Variants in GABRG3 observed in about 807,000 individuals in gnomAD.
The protein encoded by GABRG3 is gamma-aminobutyric acid type A receptor subunit gamma3.
A neutral mutation model predicts 48.8 loss-of-function variants in GABRG3; 25 were observed. The observed-to-expected ratio is 0.51, with a 90% CI of 0.37 to 0.72. The LOEUF is 0.72. GABRG3 is among the 30% of genes least tolerant of loss of function. GABRG3 has a pLI of 0.00. For synonymous variants in GABRG3, 227 were observed against 217.6 expected, an observed-to-expected ratio of 1.04 and a Z score of -0.38; for missense variants, 394 against 577.9, an observed-to-expected ratio of 0.68 and a Z score of 3.26.
intron 3 of GABRG3, among the ~76,000 whole-genome samples, chr15:27,121,798 G>GT (rs1459424926): frequency 1.3e-5 from 2 of 152,114 alleles, no homozygotes; most frequent in African/African-American, 2.4e-5. Context: ...GTGAGATTCT[G>GT]TTTTTTTGCA....
At chr15:27,360,655 C>T (rs28584979) in intron 5 of GABRG3, among the ~76,000 whole-genome samples, 28,955 of 152,130 alleles carry the variant, frequency 0.19, 3,037 homozygotes, top group Middle Eastern at 0.3. Flanking sequence ...TTGGGTTGGA[C>T]ACTCCCCTTC....
At chr15:27,067,349 C>T (rs1896755419) in intron 3 of GABRG3, among the ~76,000 whole-genome samples, 1 of 152,206 alleles carries the variant, frequency 6.6e-6, no homozygotes, top group Non-Finnish European at 1.5e-5. Context: ...GCCTCACTCC[C>T]CATCCACCCG....
At chr15:27,211,878 A>G (rs933318344) in intron 3 of GABRG3, among the ~76,000 whole-genome samples, 4 of 152,212 alleles carry the variant, frequency 2.6e-5, no homozygotes, top group Admixed American at 2.6e-4. Flanking sequence ...AACCACATCT[A>G]ACTTATTTCT....
chr15:27,082,778 G>A (rs1897012727), intron 3 of GABRG3, among the ~76,000 whole-genome samples: 1 of 152,224 alleles, frequency 6.6e-6, no homozygotes, highest in Non-Finnish European at 1.5e-5. Context: ...GAAAGCCGCA[G>A]TAGACCCTGG....
At chr15:27,095,950 T>G (rs989011660) in intron 3 of GABRG3, among the ~76,000 whole-genome samples, 1 of 152,114 alleles carries the variant, frequency 6.6e-6, no homozygotes, top group Admixed American at 6.5e-5. Flanking sequence ...CCACAACAAC[T>G]CTTCCATTTC....
intron 3 of GABRG3, among the ~76,000 whole-genome samples, chr15:27,318,916 G>C (rs1047947334): frequency 1.3e-5 from 2 of 152,186 alleles, no homozygotes; most frequent in South Asian, 4.1e-4. Flanking sequence ...GGAGATGTTG[G>C]TCAGTGGTCC....
chr15:27,359,037 A>G (rs967683000), intron 5 of GABRG3, among the ~76,000 whole-genome samples: 3 of 152,214 alleles, frequency 2.0e-5, no homozygotes, highest in Non-Finnish European at 4.4e-5. Flanking sequence ...GGCTGCCTGC[A>G]CTGCAGGCTC....
intron 7 of GABRG3, among the ~76,000 whole-genome samples, chr15:27,524,801 A>G (rs1002337033): frequency 6.6e-6 from 1 of 152,186 alleles, no homozygotes. Context: ...AAAACAATAT[A>G]TTATAAAGGA....
intron 5 of GABRG3, among the ~76,000 whole-genome samples, chr15:27,386,941 C>CAAA (rs923986435): frequency 2.0e-5 from 3 of 152,304 alleles, no homozygotes; most frequent in Admixed American, 6.5e-5. Context: ...TATCTGGCTT[C>CAAA]TTTTGACAAT....
intron 3 of GABRG3, among the ~76,000 whole-genome samples, chr15:27,274,736 A>G (rs922979362): frequency 6.6e-6 from 1 of 152,062 alleles, no homozygotes; most frequent in African/African-American, 2.4e-5. Flanking sequence ...CATCCTTCCT[A>G]CTTATATAAC....
At chr15:27,286,341 C>T (rs1484123961) in intron 3 of GABRG3, among the ~76,000 whole-genome samples, 3 of 152,178 alleles carry the variant, frequency 2.0e-5, no homozygotes, top group Non-Finnish European at 4.4e-5. Context: ...GGAATCTGGG[C>T]CATTTTCTTT....
intron 3 of GABRG3, among the ~76,000 whole-genome samples, chr15:27,075,944 C>T (rs970269978): frequency 3.9e-5 from 6 of 152,096 alleles, no homozygotes; most frequent in South Asian, 4.2e-4. Context: ...TTCCACAGTG[C>T]GAGTCACGGA....
At chr15:27,450,559 C>T (rs535267581) in intron 5 of GABRG3, among the ~76,000 whole-genome samples, 1 of 152,068 alleles carries the variant, frequency 6.6e-6, no homozygotes, top group South Asian at 2.1e-4. Context: ...AAAAAATGTA[C>T]CTCAAAATAA....
chr15:27,150,479 A>G (rs1471238488), intron 3 of GABRG3, among the ~76,000 whole-genome samples: 1 of 152,188 alleles, frequency 6.6e-6, no homozygotes, highest in African/African-American at 2.4e-5. Flanking sequence ...AGATGTTTCC[A>G]TGAAAAAAAT....
chr15:27,397,803 T>A (rs56003923), intron 5 of GABRG3, among the ~76,000 whole-genome samples: 7,309 of 41,778 alleles, frequency 0.17, 457 homozygotes, highest in African/African-American at 0.38. Flanking sequence ...CTCTGAAAAA[T>A]TTTTTTTTTT....
In GABRG3 at chr15:27,188,731, A is replaced by G. The variant is rs537160479; in HGVS notation, c.271-138078A>G. Among the ~76,000 whole-genome samples the G allele has an allele frequency of 4.2e-3, 632 of 152,254 alleles. 3 individuals carry two copies. The highest frequency in any genetic ancestry group is 0.014 in the African/African-American group (590 of 41,542). ...TGCTGTGCAGAAGCTCTTTAGTTTC[A>G]TTAGATCCCATTTGTCAATTTTGGC... On this transcript the variant is annotated intron_variant, in intron 3 of 9. Transcript: ENST00000615808.
intron 3 of GABRG3, among the ~76,000 whole-genome samples, chr15:27,232,756 A>G (rs1236398552): frequency 6.6e-6 from 1 of 152,238 alleles, no homozygotes; most frequent in African/African-American, 2.4e-5. Context: ...TATGAATTCA[A>G]ATAATTTTCT....
chr15:27,234,927 G>T (rs1483025555), intron 3 of GABRG3, among the ~76,000 whole-genome samples: 2 of 152,146 alleles, frequency 1.3e-5, no homozygotes, highest in South Asian at 4.1e-4. Flanking sequence ...AAAGGGGGTT[G>T]CTGTCAGGGT....
chr15:27,098,397 GCACTCCAGCCTGTGTGACAGACAGA>G (rs1428307913), intron 3 of GABRG3, among the ~76,000 whole-genome samples: 2 of 152,140 alleles, frequency 1.3e-5, no homozygotes, highest in Non-Finnish European at 2.9e-5. Flanking sequence ...GCGCACCACT[GCACTCCAGCCTGTGTGACAGACAGA>G]CACTCCGTCT....
Sources: gnomAD v4.1 joint callset for allele counts (sites outside exome capture counted in the v4.1 genomes callset) on GRCh38, gnomAD v4.1.1 for gene constraint, MANE v1.5 for transcripts, NCBI Gene and HGNC (gene_info 2026-07-23, HGNC 2026-07-21) for gene names.